The following PKIB variants were observed in gnomAD, a reference collection of about 807,000 sequenced individuals.
PKIB encodes the protein cAMP-dependent protein kinase inhibitor beta.
In PKIB, 2 loss-of-function variants were observed where a neutral mutation model predicts 4.5. The ratio of observed to expected loss-of-function variants is 0.44; its 90% CI spans 0.18 to 1.39. The LOEUF is 1.39. Among genes scored for constraint, PKIB ranks in the 40% most tolerant of loss-of-function variants. PKIB has a pLI of 0.27. For missense variants in PKIB, 94 were observed against 92.6 expected (o/e 1.02, Z -0.06); for synonymous variants, 38 against 36.0 (o/e 1.06, Z -0.20).
exon 2 of PKIB, chr6:122,477,883 A>C (rs1775492398): frequency 6.6e-6 from 1 of 152,204 alleles, no homozygotes; most frequent in African/African-American, 2.4e-5. Flanking sequence ...CTTTAACTTC[A>C]AAAGTGATGA....
intron 2 of PKIB, among the ~76,000 whole-genome samples, chr6:122,551,928 G>C (rs1351423221): frequency 8.0e-6 from 1 of 124,770 alleles, no homozygotes; most frequent in Admixed American, 9.9e-5. Context: ...GTTTATTAAA[G>C]CAACTTCCTC....
At chr6:122,713,313 C>A (rs9490533) in intron 3 of PKIB, among the ~76,000 whole-genome samples, 44,509 of 151,940 alleles carry the variant, frequency 0.29, 7,458 homozygotes, top group African/African-American at 0.43. Flanking sequence ...TGTTAATTCT[C>A]TAGAAGAGAA....
At chr6:122,648,828 C>T (rs963048797) in intron 2 of PKIB, among the ~76,000 whole-genome samples, 1 of 152,210 alleles carries the variant, frequency 6.6e-6, no homozygotes, top group Non-Finnish European at 1.5e-5. Context: ...ATTGGGGACT[C>T]AGTGTTGGTC....
intron 2 of PKIB, among the ~76,000 whole-genome samples, chr6:122,554,327 T>C (rs1342472657): frequency 6.6e-6 from 1 of 152,218 alleles, no homozygotes; most frequent in Non-Finnish European, 1.5e-5. Context: ...TGCTTTGAAA[T>C]GTAGATATTT....
rs868494176 is a variant in PKIB at position 122,538,920 on chromosome 6, G to A, written c.-247-47001G>A. 3.9e-5 allele frequency among the ~76,000 whole-genome samples: 6 copies of A among 152,084 alleles called. No individual in the cohort carries two copies. In the South Asian group the frequency reaches 1.2e-3, roughly 32 times the overall value. ...ACATCCCTTGTAAGTTGGATTCCTAGGTATTTTATTCTCTTTGAAGCAATT... is the reference window on the plus strand; with the variant it reads ...ACATCCCTTGTAAGTTGGATTCCTAAGTATTTTATTCTCTTTGAAGCAATT... On this transcript the variant is annotated intron_variant, in intron 2 of 6. Transcript: ENST00000392491.
At chr6:122,710,446 A>T (rs746861134) in intron 3 of PKIB, among the ~76,000 whole-genome samples, 2 of 152,084 alleles carry the variant, frequency 1.3e-5, no homozygotes, top group Non-Finnish European at 2.9e-5. Context: ...AGTGCTGGGG[A>T]TTTTGTGTAC....
At chr6:122,625,586 T>C (rs1310739294) in intron 1 of PKIB, among the ~76,000 whole-genome samples, 3 of 152,052 alleles carry the variant, frequency 2.0e-5, no homozygotes, top group Non-Finnish European at 4.4e-5. Context: ...TGCAGTGAGC[T>C]GAGATTGCCC....
At chr6:122,534,539 C>G (rs1480552468) in intron 2 of PKIB, among the ~76,000 whole-genome samples, 1 of 152,082 alleles carries the variant, frequency 6.6e-6, no homozygotes, top group East Asian at 1.9e-4. Flanking sequence ...AAGGGCTAAA[C>G]TAGCACTAGC....
chr6:122,718,166 A>T (rs928968908), intron 4 of PKIB, among the ~76,000 whole-genome samples: 3 of 152,146 alleles, frequency 2.0e-5, no homozygotes, highest in African/African-American at 7.2e-5. Flanking sequence ...TATGCTGTGT[A>T]TGTGGAAACT....
chr6:122,529,425 G>C (rs1777186852), intron 2 of PKIB, among the ~76,000 whole-genome samples: 1 of 151,838 alleles, frequency 6.6e-6, no homozygotes, highest in Non-Finnish European at 1.5e-5. Flanking sequence ...TGACTTTATA[G>C]CTTTTGAATT....
In PKIB at chr6:122,725,422, G is replaced by C; in HGVS notation, c.*227G>C. 2.0e-6 allele frequency: 1 copy of C among 495,070 alleles called. No individual in the cohort carries two copies. Among genetic ancestry groups the C allele is most frequent in the Non-Finnish European group, 3.7e-6 (1 of 271,984 alleles). 30.7% of individuals were successfully genotyped at this position (495,070 alleles called of 1,614,324 possible). On this transcript the variant is annotated 3_prime_UTR_variant, in exon 5 of 5. Transcript: ENST00000368452. Reference sequence around the variant, plus strand: ...ACTTCCAAATCGCACTGAAGGAAAAGGTTAAGAATAATACATGATCACAGA... The same window carrying C: ...ACTTCCAAATCGCACTGAAGGAAAACGTTAAGAATAATACATGATCACAGA...
chr6:122,556,189 C>G (rs1772835480), intron 2 of PKIB, among the ~76,000 whole-genome samples: 1 of 152,158 alleles, frequency 6.6e-6, no homozygotes, highest in African/African-American at 2.4e-5. Context: ...CTTTGCTCAG[C>G]ACTTCTTCCT....
chr6:122,713,513 A>G (rs1779354037), intron 3 of PKIB, among the ~76,000 whole-genome samples: 1 of 152,144 alleles, frequency 6.6e-6, no homozygotes, highest in South Asian at 2.1e-4. Flanking sequence ...TCTGTTTTCT[A>G]TATGTATATC....
At chr6:122,701,515 C>G (rs776064761) in intron 3 of PKIB, 12 of 1,593,666 alleles carry the variant, frequency 7.5e-6, no homozygotes, top group Non-Finnish European at 9.4e-6. Flanking sequence ...AGTTAACAAC[C>G]ATTTTCTTCT....
intron 2 of PKIB, among the ~76,000 whole-genome samples, chr6:122,648,559 C>T (rs1347102515): frequency 6.6e-6 from 1 of 152,154 alleles, no homozygotes; most frequent in Non-Finnish European, 1.5e-5. Flanking sequence ...ATTAGAGTTT[C>T]TTTGCTTCAT....
intron 2 of PKIB, among the ~76,000 whole-genome samples, chr6:122,648,485 C>T (rs1180520895): frequency 2.0e-5 from 3 of 152,176 alleles, no homozygotes; most frequent in African/African-American, 7.2e-5. Context: ...TTTCAAAGGC[C>T]ATTCCACTGT....
chr6:122,683,308 T>C (rs1040388361), intron 3 of PKIB, among the ~76,000 whole-genome samples: 2 of 152,062 alleles, frequency 1.3e-5, no homozygotes, highest in Admixed American at 6.6e-5. Context: ...CTTCCAATCA[T>C]GGTAGAAGGC....
intron 2 of PKIB, among the ~76,000 whole-genome samples, chr6:122,552,975 A>AT (rs926419899): frequency 6.6e-4 from 100 of 151,648 alleles, no homozygotes; most frequent in African/African-American, 2.0e-3. Context: ...AATTCACTGG[A>AT]TTTTTTTTTA....
At chr6:122,622,233 C>T (rs944600541) in intron 1 of PKIB, among the ~76,000 whole-genome samples, 2 of 152,000 alleles carry the variant, frequency 1.3e-5, no homozygotes, top group South Asian at 2.1e-4. Flanking sequence ...AGCACAAACT[C>T]GGTAAATAGC....
Sources: allele counts gnomAD v4.1 joint callset (sites outside exome capture counted in the v4.1 genomes callset), GRCh38; gene constraint gnomAD v4.1.1; transcripts MANE v1.5; gene names NCBI Gene and HGNC (gene_info 2026-07-23, HGNC 2026-07-21).